FBXW12: variants seen among roughly 807,000 people sequenced by gnomAD.
The protein encoded by FBXW12 is F-box/WD repeat-containing protein 12.
FBXW12 carries 43 observed loss-of-function variants against 55.3 expected under a neutral mutation model. The observed-to-expected ratio is 0.78, with a 90% CI of 0.61 to 1.00. FBXW12 has a LOEUF of 1.00. FBXW12 is among the 50% of genes least tolerant of loss of function. The pLI, the probability that FBXW12 is intolerant of heterozygous loss-of-function variation, is 0.00. For synonymous variants in FBXW12, 184 were observed against 203.8 expected, an observed-to-expected ratio of 0.90 and a Z score of 0.83; for missense variants, 524 against 560.5, an observed-to-expected ratio of 0.93 and a Z score of 0.66.
chr3:48,377,130 A>G (rs993241259), intron 5 of FBXW12, among the ~76,000 whole-genome samples: 57 of 152,186 alleles, frequency 3.7e-4, no homozygotes, highest in African/African-American at 1.3e-3. Flanking sequence ...ATATATTTTC[A>G]TGTAGGGGGA....
At chr3:48,384,724 T>C (rs973248800) in intron 10 of FBXW12, among the ~76,000 whole-genome samples, 3 of 152,210 alleles carry the variant, frequency 2.0e-5, no homozygotes, top group Non-Finnish European at 4.4e-5. Flanking sequence ...TGAATAGATG[T>C]TGAATTTTCT....
Position 48,375,365 on chromosome 3 carries a change from G to A in FBXW12, c.298G>A (p.Glu100Lys). 2 of 1,604,286 alleles carry A rather than the reference G, an allele frequency of 1.2e-6. No homozygotes were observed. Among genetic ancestry groups the A allele is most frequent in the Non-Finnish European group, 1.7e-6 (2 of 1,172,020 alleles). The change falls in exon 5 of 11, where the codon GAG becomes AAG. Residue 100 changes from glutamate to lysine, a missense_variant. Transcript: ENST00000296438. ...KVTKNIAFET[E>K]LAYLSGNRLT... ...ATGTTTCCTTCTAGCATTTGAGACG[G>A]AGTTGGCTTATCTCTCAGGAAATAG...
chr3:48,392,820 C>T (rs2036949085), intron 10 of FBXW12, among the ~76,000 whole-genome samples: 1 of 151,874 alleles, frequency 6.6e-6, no homozygotes, highest in Admixed American at 6.6e-5. Context: ...AAGTTATTTC[C>T]TTTGTTTTTA....
chr3:48,385,338 TTG>T (rs60689779), intron 10 of FBXW12, among the ~76,000 whole-genome samples: 2,950 of 148,884 alleles, frequency 0.02, 54 homozygotes, highest in Non-Finnish European at 0.02. Flanking sequence ...TGGTATTCCA[TTG>T]TGTGTGTGTG....
In FBXW12 at chr3:48,379,510, C is replaced by A. The variant is rs775672635; in HGVS notation, c.726C>A (p.Asp242Glu). The A allele has an allele frequency of 3.3e-5, 54 of 1,613,960 alleles. No individual in the cohort carries two copies. Among genetic ancestry groups the A allele is most frequent in the Non-Finnish European group, 4.4e-5 (52 of 1,179,930 alleles). The change falls in exon 7 of 11, where the codon GAC becomes GAA. Residue 242 changes from aspartate (D) to glutamate (E), a missense_variant. By Grantham distance (45) the Asp-to-Glu change is conservative. Coordinates refer to ENST00000296438, the MANE Select transcript of FBXW12 (RefSeq NM_207102.2). ...YGIVLLHCSP[D>E]KKWVFACGTY... The stretch of plus-strand genomic sequence containing the variant: ...TTGTACTTCTACACTGCTCTCCTGA[C>A]AAGAAATGGGTATTTGCATGTGGGA...
At chr3:48,379,638 T>C in intron 7 of FBXW12, 80 bp downstream of exon 7, 1 of 1,235,908 alleles carries the variant, frequency 8.1e-7, no homozygotes. Flanking sequence ...CAGAGCTCAG[T>C]GAGGACCAGG....
rs764588555 is a variant in FBXW12, at chr3:48,394,621, G to A, written c.1357G>A (p.Asp453Asn). The A allele has an allele frequency of 1.2e-6, 2 of 1,606,342 alleles. No homozygotes were observed. The highest frequency in any genetic ancestry group is 2.7e-5 in the African/African-American group (2 of 74,832). ...SIVLRVRKVS[D>N]SSILVMYSLN... ...AGTACTTAGGGTGAGGAAAGTAAGT[G>A]ACTCCAGCATTCTGGTGATGTATTC... Residue 453 changes from aspartate (D) to asparagine (N), a missense_variant, in exon 11 of 11, where the codon GAC becomes AAC. Transcript: ENST00000296438.
chr3:48,385,631 A>C (rs1340359553), intron 10 of FBXW12, among the ~76,000 whole-genome samples: 1 of 152,150 alleles, frequency 6.6e-6, no homozygotes, highest in Admixed American at 6.5e-5. Context: ...ACTAATTTAC[A>C]TTCCCACCTA....
chr3:48,386,941 CT>C (rs34140121), intron 10 of FBXW12, among the ~76,000 whole-genome samples: 206 of 141,936 alleles, frequency 1.5e-3, no homozygotes, highest in Non-Finnish European at 1.5e-3. Context: ...TCTTCTTCTT[CT>C]TTTTTTTTTT....
Position 48,378,370 on chromosome 3 carries a change from A to G in FBXW12, c.459A>G (p.Val153=). 1 of 1,614,106 alleles carries G rather than the reference A, an allele frequency of 6.2e-7. No individual in the cohort carries two copies. Among genetic ancestry groups the G allele is most frequent in the Non-Finnish European group, 8.5e-7 (1 of 1,180,008 alleles). The part of the protein sequence containing the change: ...PVQEFHFSNL[V]TLPQMHLAIT... ...AGGAGTTCCATTTCTCAAATCTGGTAACCCTCCCTCAGATGCATCTCGCCA... is the reference window on the plus strand; with the variant it reads ...AGGAGTTCCATTTCTCAAATCTGGTGACCCTCCCTCAGATGCATCTCGCCA... The change falls in exon 6 of 11, where the codon GTA becomes GTG. Residue 153 remains valine (V), a synonymous_variant. Coordinates refer to ENST00000296438, the MANE Select transcript of FBXW12 (RefSeq NM_207102.2).
intron 8 of FBXW12, 113 bp downstream of exon 8, chr3:48,381,025 T>TG (rs2036760472): frequency 4.6e-6 from 2 of 439,264 alleles, no homozygotes; most frequent in Non-Finnish European, 6.8e-6. Flanking sequence ...ATTTCTAGTT[T>TG]TTTTTTTTTT....
chr3:48,386,783 A>T (rs2036853676), intron 10 of FBXW12, among the ~76,000 whole-genome samples: 1 of 152,258 alleles, frequency 6.6e-6, no homozygotes, highest in South Asian at 2.1e-4. Flanking sequence ...GATATATGGA[A>T]TTTCTGAACA....
Position 48,373,332 on chromosome 3 carries a change from G to A in FBXW12, c.115G>A (p.Asp39Asn). Residue 39 changes from aspartate to asparagine, a missense_variant, in exon 3 of 11, where the codon GAT (aspartate) becomes AAT (asparagine). Coordinates refer to ENST00000296438, the MANE Select transcript of FBXW12 (RefSeq NM_207102.2). The stretch of plus-strand genomic sequence containing the variant: ...GCATTGGAATAGGATTGCAGACAGT[G>A]ATTACCTGTGGAGGTAAGGGAAGGG... Reference protein sequence around the residue: ...NKHWNRIADSDYLWRSLSLQR... With the variant: ...NKHWNRIADSNYLWRSLSLQR... 1 of 1,614,168 alleles carries A rather than the reference G, an allele frequency of 6.2e-7. No homozygotes were observed. The highest frequency in any genetic ancestry group is 1.1e-5 in the South Asian group (1 of 91,072).
chr3:48,380,769 A>G lies in FBXW12; in HGVS notation c.842A>G (p.His281Arg), dbSNP rs200255206. ...GSVPLSTFLP[H>R]KLCASACWTP... The stretch of plus-strand genomic sequence containing the variant: ...GTTCCTCTGTCTACCTTTCTCCCAC[A>G]TAAATTATGTGCCAGCGCCTGCTGG... Residue 281 changes from histidine (H) to arginine (R), a missense_variant, in exon 8 of 11, where the codon CAT (histidine) becomes CGT (arginine). Physicochemically the swap from His to Arg is conservative, Grantham distance 29. Coordinates refer to ENST00000296438, the MANE Select transcript of FBXW12 (RefSeq NM_207102.2). The G allele has an allele frequency of 2.0e-5, 32 of 1,614,166 alleles. No homozygotes were observed. The African/African-American group carries it at 3.1e-4, about 15-fold the overall frequency.
intron 1 of FBXW12, 89 bp from the exon 2 acceptor site, chr3:48,372,595 A>AGGCCGGGGTGGAGGTC: frequency 6.9e-7 from 1 of 1,445,820 alleles, no homozygotes; most frequent in Non-Finnish European, 9.3e-7. Context: ...CCCAGGGGAG[A>AGGCCGGGGTGGAGGTC]GGCCGGGGTG....
intron 3 of FBXW12, 50 bp downstream of exon 3, chr3:48,373,395 C>T: frequency 1.2e-6 from 2 of 1,613,760 alleles, no homozygotes; most frequent in Non-Finnish European, 1.7e-6. Flanking sequence ...GATCATCTGA[C>T]TGCGCACCCA....
chr3:48,378,610 TC>T, intron 6 of FBXW12, 84 bp downstream of exon 6: 1 of 794,340 alleles, frequency 1.3e-6, no homozygotes, highest in Non-Finnish European at 1.9e-6. Context: ...TACTGTCCTA[TC>T]CCTTTTTTTT....
chr3:48,380,911 A>T lies in FBXW12; in HGVS notation c.984A>T (p.Gln328His). ...TKKTGGQTVI[Q>H]AYEIASFQVA... is the part of the protein sequence containing the mutation. The stretch of plus-strand genomic sequence containing the variant: ...AGACTGGAGGCCAAACAGTCATCCA[A>T]GGTAGGCTGTGCCACATTAGAAACG... The change falls in exon 8 of 11, where the codon CAA (glutamine) becomes CAT (histidine). Residue 328 changes from glutamine to histidine, a missense_variant and splice_region_variant. Gln to His is a conservative substitution (Grantham distance 24, BLOSUM62 0). Transcript: ENST00000296438. The T allele has an allele frequency of 6.2e-7, 1 of 1,613,254 alleles. No homozygotes were observed. Among genetic ancestry groups the T allele is most frequent in the Non-Finnish European group, 8.5e-7 (1 of 1,179,418 alleles).
intron 10 of FBXW12, 30 bp downstream of exon 10, chr3:48,382,115 C>T: frequency 6.2e-7 from 1 of 1,611,792 alleles, no homozygotes; most frequent in Non-Finnish European, 8.5e-7. Flanking sequence ...GTAAACATCC[C>T]CTAAACAACT....
Sources: gnomAD v4.1 joint callset for allele counts (sites outside exome capture counted in the v4.1 genomes callset) on GRCh38, gnomAD v4.1.1 for gene constraint, MANE v1.5 for transcripts, NCBI Gene and HGNC (gene_info 2026-07-23, HGNC 2026-07-21) for gene names.